HS3ST5: variants seen among roughly 807,000 people sequenced by gnomAD.
HS3ST5 encodes heparan sulfate-glucosamine 3-sulfotransferase 5, also known as heparan sulfate glucosamine 3-O-sulfotransferase 5.
In HS3ST5, 10 loss-of-function variants were observed where a neutral mutation model predicts 25.4. That is an observed-to-expected ratio of 0.39 (90% confidence interval 0.24 to 0.67). HS3ST5 has a LOEUF of 0.67. Ranked by LOEUF, HS3ST5 falls within the 30% of genes least tolerant of loss-of-function variation. HS3ST5 has a pLI of 0.44. For missense variants in HS3ST5, 324 were observed against 420.7 expected, an observed-to-expected ratio of 0.77 and a Z score of 2.01; for synonymous variants, 170 against 162.4, an observed-to-expected ratio of 1.05 and a Z score of -0.36.
intron 3 of HS3ST5, among the ~76,000 whole-genome samples, chr6:114,114,700 A>AGAT (rs1160318467): frequency 6.6e-6 from 1 of 152,140 alleles, no homozygotes; most frequent in African/African-American, 2.4e-5. Context: ...TGACTAAATT[A>AGAT]ATCATAGTAT....
At chr6:114,126,176 T>TA (rs778171695) in intron 3 of HS3ST5, among the ~76,000 whole-genome samples, 29 of 152,154 alleles carry the variant, frequency 1.9e-4, no homozygotes, top group Admixed American at 3.3e-4. Context: ...ATACACATTC[T>TA]ACGCAAGCAA....
At chr6:114,261,188 G>A (rs1216534025) in intron 1 of HS3ST5, among the ~76,000 whole-genome samples, 1 of 152,178 alleles carries the variant, frequency 6.6e-6, no homozygotes, top group African/African-American at 2.4e-5. Context: ...AGAGCAGTAG[G>A]TATGAAAGAT....
intron 1 of HS3ST5, among the ~76,000 whole-genome samples, chr6:114,325,024 A>T (rs1333526001): frequency 6.6e-6 from 1 of 152,236 alleles, no homozygotes; most frequent in East Asian, 1.9e-4. Flanking sequence ...AAACATTTAA[A>T]CAAAGATTCT....
At chr6:114,320,067 C>T (rs907647057) in intron 1 of HS3ST5, among the ~76,000 whole-genome samples, 2 of 152,010 alleles carry the variant, frequency 1.3e-5, no homozygotes, top group Non-Finnish European at 2.9e-5. Context: ...TGAATGCATA[C>T]AAGACATTCC....
intron 1 of HS3ST5, among the ~76,000 whole-genome samples, chr6:114,301,142 T>G (rs1172784751): frequency 1.3e-5 from 2 of 152,226 alleles, no homozygotes; most frequent in Non-Finnish European, 2.9e-5. Context: ...CTGAACTGTA[T>G]GCTTTAAATA....
At chr6:114,220,121 C>T (rs562830977) in intron 2 of HS3ST5, among the ~76,000 whole-genome samples, 211 of 151,952 alleles carry the variant, frequency 1.4e-3, no homozygotes, top group South Asian at 5.6e-3. Flanking sequence ...GAAATACATA[C>T]GAAAATTCTA....
intron 2 of HS3ST5, among the ~76,000 whole-genome samples, chr6:114,175,906 T>C (rs73767061): frequency 7.3e-4 from 111 of 152,326 alleles, no homozygotes; most frequent in African/African-American, 2.6e-3. Flanking sequence ...CTTCAGCTTT[T>C]GGTATTCCTT....
intron 3 of HS3ST5, among the ~76,000 whole-genome samples, chr6:114,103,106 C>T (rs1440999448): frequency 6.6e-6 from 1 of 152,184 alleles, no homozygotes; most frequent in African/African-American, 2.4e-5. Flanking sequence ...TTACCCTGTT[C>T]AGTCTCAGCT....
In HS3ST5 at chr6:114,180,675, C is replaced by T. The variant is rs184396488; in HGVS notation, c.-144-12213G>A. On this transcript the variant is annotated intron_variant, in intron 2 of 4. Transcript: ENST00000312719. ...CTTTTTCACTGTGTGCTTCCATGGC[C>T]TTACCTTGGTGTATGATTGTGGAGA... Among the ~76,000 whole-genome samples the T allele has an allele frequency of 9.2e-5, 14 of 152,304 alleles. 1 individual carries two copies. The highest frequency in any genetic ancestry group is 8.5e-4 in the Admixed American group (13 of 15,296).
intron 1 of HS3ST5, among the ~76,000 whole-genome samples, chr6:114,264,096 A>T (rs536672178): frequency 2.0e-4 from 31 of 152,222 alleles, no homozygotes; most frequent in Non-Finnish European, 4.0e-4. Context: ...TATTATTTTA[A>T]AAACTACCTT....
chr6:114,201,235 A>C (rs944617574), intron 2 of HS3ST5, among the ~76,000 whole-genome samples: 2 of 152,120 alleles, frequency 1.3e-5, no homozygotes, highest in African/African-American at 4.8e-5. Context: ...CAATTCTTCT[A>C]GTTGTCAGGT....
intron 1 of HS3ST5, among the ~76,000 whole-genome samples, chr6:114,270,306 A>G (rs771140761): frequency 1.3e-5 from 2 of 152,178 alleles, no homozygotes; most frequent in South Asian, 2.1e-4. Flanking sequence ...CCACACCATT[A>G]TTTCAAAGTA....
At chr6:114,142,799 C>A (rs1007227348) in intron 3 of HS3ST5, 4 of 152,138 alleles carry the variant, frequency 2.6e-5, no homozygotes, top group Non-Finnish European at 5.9e-5. Context: ...GATAGGGAAG[C>A]TTAAGGGAGG....
At chr6:114,173,162 C>G (rs758072945) in intron 2 of HS3ST5, among the ~76,000 whole-genome samples, 26 of 152,160 alleles carry the variant, frequency 1.7e-4, no homozygotes, top group Non-Finnish European at 2.4e-4. Context: ...TGTCTGCCCA[C>G]ATTTTACATT....
intron 1 of HS3ST5, among the ~76,000 whole-genome samples, chr6:114,292,882 G>A (rs894472921): frequency 9.3e-5 from 14 of 150,992 alleles, no homozygotes; most frequent in African/African-American, 2.4e-4. Context: ...TATATAAATC[G>A]CTTTATATTG....
rs1029471903 is a variant in HS3ST5, at chr6:114,166,232, C to T, written c.-33+2119G>A. On this transcript the variant is annotated intron_variant, in intron 3 of 4. Transcript: ENST00000312719. Reference sequence around the variant, plus strand: ...GACTTCGGTGTTGGGCTGGGAGGCACAGTAAACTTAATGTATCATCAGTAG... The same window carrying T: ...GACTTCGGTGTTGGGCTGGGAGGCATAGTAAACTTAATGTATCATCAGTAG... Among the ~76,000 whole-genome samples the T allele has an allele frequency of 2.6e-5, 4 of 152,096 alleles. No individual in the cohort carries two copies. In the South Asian group the frequency reaches 6.2e-4, roughly 24 times the overall value.
At chr6:114,105,748 T>G (rs1775960401) in intron 3 of HS3ST5, among the ~76,000 whole-genome samples, 1 of 152,168 alleles carries the variant, frequency 6.6e-6, no homozygotes, top group African/African-American at 2.4e-5. Flanking sequence ...GTTTTCTGTG[T>G]CAATAAACGT....
chr6:114,213,891 C>T (rs954434520), intron 2 of HS3ST5, among the ~76,000 whole-genome samples: 1 of 152,148 alleles, frequency 6.6e-6, no homozygotes, highest in African/African-American at 2.4e-5. Flanking sequence ...TACATGTTCT[C>T]GCCTCTCTCT....
intron 3 of HS3ST5, among the ~76,000 whole-genome samples, chr6:114,163,313 C>T (rs1779058617): frequency 2.0e-5 from 3 of 152,160 alleles, no homozygotes; most frequent in Non-Finnish European, 2.9e-5. Context: ...AGTCCATATT[C>T]GTCGGGCTAA....
Sources: gnomAD v4.1 joint callset for allele counts (sites outside exome capture counted in the v4.1 genomes callset) on GRCh38, gnomAD v4.1.1 for gene constraint, MANE v1.5 for transcripts, NCBI Gene and HGNC (gene_info 2026-07-23, HGNC 2026-07-21) for gene names.